Variants in LMLN observed in about 807,000 individuals in gnomAD.
The protein encoded by LMLN is leishmanolysin like peptidase.
In LMLN, 70 loss-of-function variants were observed where a neutral mutation model predicts 92.3. The ratio of observed to expected loss-of-function variants is 0.76; its 90% CI spans 0.63 to 0.92. LMLN has a LOEUF of 0.92. Ranked by LOEUF, LMLN falls within the 40% of genes least tolerant of loss-of-function variation. The pLI is 0.00. For missense variants in LMLN, 691 were observed against 814.6 expected (o/e 0.85, Z 1.85); for synonymous variants, 308 against 296.2 (o/e 1.04, Z -0.41).
intron 11 of LMLN, among the ~76,000 whole-genome samples, chr3:198,003,528 T>C (rs1722231219): frequency 6.6e-6 from 1 of 152,178 alleles, no homozygotes; most frequent in Admixed American, 6.5e-5. Context: ...TCCAGATGCA[T>C]ATTATAATCA....
At chr3:198,032,979 C>T (rs1387515910) in intron 14 of LMLN, among the ~76,000 whole-genome samples, 2 of 152,086 alleles carry the variant, frequency 1.3e-5, no homozygotes, top group African/African-American at 4.8e-5. Context: ...GTCCTGAGCC[C>T]TCTTGTGTTC....
intron 8 of LMLN, among the ~76,000 whole-genome samples, chr3:197,986,574 G>A (rs529756229): frequency 5.6e-4 from 86 of 152,324 alleles, no homozygotes; most frequent in South Asian, 2.1e-3. Flanking sequence ...TGTTAATCTT[G>A]AAGTATGAAT....
At chr3:198,009,670 ATTC>A (rs893576082) in intron 11 of LMLN, among the ~76,000 whole-genome samples, 1 of 151,564 alleles carries the variant, frequency 6.6e-6, no homozygotes, top group Non-Finnish European at 1.5e-5. Flanking sequence ...TTACAGGGCT[ATTC>A]TTATCATCTG....
chr3:197,967,978 T>A (rs1721106161), intron 1 of LMLN, among the ~76,000 whole-genome samples: 2 of 152,260 alleles, frequency 1.3e-5, no homozygotes, highest in Non-Finnish European at 2.9e-5. Flanking sequence ...CTTATGGTTG[T>A]CTTCCCTTGT....
At chr3:198,039,285 T>C (rs1378023737) in exon 16 of LMLN, 4 of 154,088 alleles carry the variant, frequency 2.6e-5, no homozygotes, top group Non-Finnish European at 5.8e-5. Flanking sequence ...ACATTTTTAT[T>C]AACATACAAC....
intron 6 of LMLN, among the ~76,000 whole-genome samples, chr3:197,983,304 A>C (rs927847127): frequency 6.6e-5 from 10 of 152,308 alleles, no homozygotes; most frequent in Non-Finnish European, 1.2e-4. Context: ...TTTGAAAGAC[A>C]GGGAGGCGCA....
chr3:198,035,361 G>T (rs1219218641), intron 14 of LMLN, among the ~76,000 whole-genome samples: 70 of 117,696 alleles, frequency 5.9e-4, no homozygotes, highest in East Asian at 2.7e-3. Flanking sequence ...CCCTCTTTTG[G>T]TTTTTTTTTT....
intron 1 of LMLN, among the ~76,000 whole-genome samples, chr3:197,969,279 T>A (rs78108396): frequency 2.3e-3 from 296 of 128,858 alleles, no homozygotes; most frequent in African/African-American, 6.9e-3. Context: ...ATATATATAT[T>A]TTTTTTAGTA....
chr3:197,983,513 G>A (rs1003298531), intron 6 of LMLN, among the ~76,000 whole-genome samples: 2 of 152,134 alleles, frequency 1.3e-5, no homozygotes, highest in African/African-American at 4.8e-5. Flanking sequence ...CAGATAAGAA[G>A]GGCCAGCGAC....
chr3:198,023,766 C>T (rs1426511309), intron 13 of LMLN, among the ~76,000 whole-genome samples: 1 of 152,144 alleles, frequency 6.6e-6, no homozygotes, highest in Non-Finnish European at 1.5e-5. Context: ...CCTTTCATTC[C>T]TCTGCAGGTT....
intron 8 of LMLN, among the ~76,000 whole-genome samples, chr3:197,990,046 A>T (rs1259098259): frequency 6.7e-6 from 1 of 150,254 alleles, no homozygotes; most frequent in Non-Finnish European, 1.5e-5. Flanking sequence ...GGCTTATTTT[A>T]TTTTATTTTA....
At chr3:198,034,493 C>T (rs183893531) in intron 14 of LMLN, among the ~76,000 whole-genome samples, 2 of 152,126 alleles carry the variant, frequency 1.3e-5, no homozygotes, top group African/African-American at 4.8e-5. Flanking sequence ...GGCCTGTAGT[C>T]CCAGCTACTT....
chr3:197,979,677 A>G (rs1246452817), intron 5 of LMLN, among the ~76,000 whole-genome samples: 1 of 152,156 alleles, frequency 6.6e-6, no homozygotes, highest in Non-Finnish European at 1.5e-5. Flanking sequence ...TTAGCTGGGC[A>G]TGGTGGCAGG....
chr3:198,018,250 A>G (rs189682849), intron 11 of LMLN, among the ~76,000 whole-genome samples: 183 of 152,362 alleles, frequency 1.2e-3, no homozygotes, highest in African/African-American at 4.1e-3. Flanking sequence ...CTATTGGAAC[A>G]TGAGCTTCCA....
chr3:197,976,726 C>G lies in LMLN; in HGVS notation c.549+11C>G. On this transcript the variant is annotated intron_variant, in intron 5 of 15. Coordinates refer to ENST00000330198, the Ensembl canonical transcript of LMLN. ...GAGGAACATCTCCAGGTATTTCACC[C>G]TGCTCTTGGCAGTGCTTTTACACCT... The G allele has an allele frequency of 1.5e-6, 2 of 1,377,000 alleles. No homozygotes were observed. Among genetic ancestry groups the G allele is most frequent in the Non-Finnish European group, 2.0e-6 (2 of 1,004,484 alleles). 85.3% of individuals were successfully genotyped at this position (1,377,000 alleles called of 1,614,324 possible). A position where few individuals can be genotyped will look rare whatever the true frequency, so the allele number is the denominator to read the frequency against.
At chr3:197,985,487 C>T (rs1452537916) in intron 7 of LMLN, among the ~76,000 whole-genome samples, 1 of 151,534 alleles carries the variant, frequency 6.6e-6, no homozygotes, top group African/African-American at 2.4e-5. Context: ...AAATTCTAGT[C>T]GTGCTTGGAA....
Position 198,000,726 on chromosome 3 carries a change from C to CAT in LMLN, c.1232+1387_1232+1388dup, listed in dbSNP as rs565757834. Among the ~76,000 whole-genome samples, 744 of 152,280 alleles carry CAT rather than the reference C, an allele frequency of 4.9e-3. 7 individuals are homozygous for CAT. Among genetic ancestry groups the CAT allele is most frequent in the African/African-American group, 0.017 (713 of 41,564 alleles). ...TACAGGCGTGAGCCACCGTGCCCAG[C>CAT]ATATCTCATCGAGTTTTATGAGACT... is the stretch of plus-strand genomic sequence containing the variant. On this transcript the variant is annotated intron_variant, in intron 11 of 15. Transcript: ENST00000330198.
chr3:198,035,966 C>G lies in LMLN; in HGVS notation c.1790C>G (p.Ser597Ter), dbSNP rs781558126. The G allele has an allele frequency of 1.2e-6, 2 of 1,613,998 alleles. No individual in the cohort carries two copies. Among genetic ancestry groups the G allele is most frequent in the African/African-American group, 1.3e-5 (1 of 74,900 alleles). The stretch of plus-strand genomic sequence containing the variant: ...CACGATGGAAACCTGCTCTGCCCAT[C>G]ATGTTGGGACTTCTGTGAGCTCTGT... Residue 597 changes from serine to a stop codon, truncating the protein, a stop_gained, in exon 15 of 16, where the codon TCA (serine) becomes TGA (stop). Coordinates refer to ENST00000330198, the Ensembl canonical transcript of LMLN. LOFTEE classifies it high-confidence loss of function.
At chr3:197,999,161 C>T (rs1722104230) in intron 10 of LMLN, 105 bp from the exon 11 acceptor site, 3 of 775,868 alleles carry the variant, frequency 3.9e-6, no homozygotes, top group Non-Finnish European at 6.7e-6. Flanking sequence ...GTCTTGTCAG[C>T]CTCTCACAGT....
Sources: allele counts gnomAD v4.1 joint callset (sites outside exome capture counted in the v4.1 genomes callset), GRCh38; gene constraint gnomAD v4.1.1; transcripts MANE v1.5; gene names NCBI Gene and HGNC (gene_info 2026-07-23, HGNC 2026-07-21).